Variants in SCART1 observed in about 807,000 individuals in gnomAD.
The protein encoded by SCART1 is scavenger receptor cysteine-rich domain-containing protein SCART1.
SCART1 carries 62 observed loss-of-function variants against 36.2 expected under a neutral mutation model. The observed-to-expected ratio is 1.71, with a 90% CI of 1.40 to 2.12. SCART1 has a LOEUF of 2.12. Ranked by LOEUF, SCART1 falls within the 30% of genes most tolerant of loss-of-function variation. The pLI is 0.00. For missense variants in SCART1, 1,041 were observed against 540.5 expected, an observed-to-expected ratio of 1.93 and a Z score of -9.18; for synonymous variants, 487 against 238.7, an observed-to-expected ratio of 2.04 and a Z score of -9.59.
exon 5 of SCART1, chr10:133,459,315 C>A (rs867905464): frequency 1.6e-6 from 1 of 642,570 alleles, no homozygotes; most frequent in Admixed American, 2.3e-5. Context: ...ACAGCCTCCG[C>A]GGTCTGCTCA....
intron 10 of SCART1, 97 bp from the exon 11 acceptor site, chr10:133,467,101 G>A (rs1374012928): frequency 1.2e-5 from 7 of 566,782 alleles, no homozygotes; most frequent in Middle Eastern, 3.6e-4. Context: ...CCTCTTTGCT[G>A]CCTGGCTGGG....
chr10:133,456,214 T>A (rs1850608657), intron 1 of SCART1, 23 bp from the exon 2 acceptor site: 1 of 695,268 alleles, frequency 1.4e-6, no homozygotes, highest in African/African-American at 1.7e-5. Context: ...CTGGCCCCTC[T>A]AACTGGACCT....
intron 1 of SCART1, among the ~76,000 whole-genome samples, chr10:133,455,223 T>C (rs1240977655): frequency 6.6e-6 from 1 of 152,152 alleles, no homozygotes; most frequent in African/African-American, 2.4e-5. Context: ...GCTGAGATCG[T>C]GCCATTGCAC....
At chr10:133,454,127 GC>G (rs1205053050) in intron 1 of SCART1, 63 bp downstream of exon 1, 2 of 701,650 alleles carry the variant, frequency 2.9e-6, no homozygotes, top group Non-Finnish European at 5.2e-6. Context: ...TGATGCCCAG[GC>G]CCCGGGGCAT....
exon 3 of SCART1, chr10:133,457,375 T>C (rs188098456): frequency 1.4e-6 from 1 of 701,696 alleles, no homozygotes; most frequent in African/African-American, 1.7e-5. Context: ...CGCCTCTGTG[T>C]CCTGCATGTG....
intron 10 of SCART1, chr10:133,466,946 C>G: frequency 2.4e-6 from 1 of 411,266 alleles, no homozygotes; most frequent in East Asian, 4.3e-5. Flanking sequence ...GAGCTCAACC[C>G]TAGAAGGTTC....
At chr10:133,462,505 A>G (rs1024659106) in intron 6 of SCART1, among the ~76,000 whole-genome samples, 1 of 152,240 alleles carries the variant, frequency 6.6e-6, no homozygotes, top group East Asian at 1.9e-4. Flanking sequence ...TGTAATCCCA[A>G]CACCCAGAGA....
intron 6 of SCART1, among the ~76,000 whole-genome samples, chr10:133,462,955 ATTCT>A (rs1351605540): frequency 6.6e-6 from 1 of 152,124 alleles, no homozygotes; most frequent in Non-Finnish European, 1.5e-5. Context: ...TCTTTCCAGT[ATTCT>A]TTCTAAGCTT....
chr10:133,467,795 G>A, intron 11 of SCART1, 52 bp from the exon 12 acceptor site: 1 of 616,790 alleles, frequency 1.6e-6, no homozygotes, highest in Non-Finnish European at 3.0e-6. Context: ...AATGTGCTCT[G>A]GGGACAACTT....
exon 9 of SCART1, chr10:133,465,284 A>C (rs563589427): frequency 1.8e-5 from 12 of 679,148 alleles, no homozygotes; most frequent in African/African-American, 1.1e-4. Flanking sequence ...GGGGGCGAGG[A>C]CCGCTGCTCC....
intron 6 of SCART1, among the ~76,000 whole-genome samples, chr10:133,460,983 G>A (rs1179648615): frequency 6.6e-6 from 1 of 152,046 alleles, no homozygotes; most frequent in East Asian, 1.9e-4. Flanking sequence ...CGATCCACCT[G>A]CCTCAGCCTC....
chr10:133,455,175 G>A (rs7095840), intron 1 of SCART1, among the ~76,000 whole-genome samples: 2 of 152,148 alleles, frequency 1.3e-5, no homozygotes, highest in African/African-American at 2.4e-5. Context: ...GCTGAGGCAC[G>A]AGAATCAGTT....
At chr10:133,456,393 T>G (rs1337932176) in exon 2 of SCART1, 2 of 702,880 alleles carry the variant, frequency 2.8e-6, no homozygotes, top group Non-Finnish European at 2.6e-6. Context: ...GGCCCTGCCG[T>G]GGGCGCCCCC....
At chr10:133,459,493 C>T in exon 6 of SCART1, 1 of 650,604 alleles carries the variant, frequency 1.5e-6, no homozygotes. Context: ...CCAGGTCTGG[C>T]CCACGCCCTG....
At chr10:133,460,533 T>TTATTTAAA (rs1427234216) in intron 6 of SCART1, among the ~76,000 whole-genome samples, 2 of 145,434 alleles carry the variant, frequency 1.4e-5, no homozygotes, top group East Asian at 3.9e-4. Context: ...AAATATTTAT[T>TTATTTAAA]TATTTATTTA....
chr10:133,455,541 A>G (rs1427336967), intron 1 of SCART1, among the ~76,000 whole-genome samples: 1 of 152,120 alleles, frequency 6.6e-6, no homozygotes, highest in East Asian at 1.9e-4. Context: ...AGCACCACCC[A>G]CATGGACTTC....
chr10:133,469,405 A>G (rs1380924015), downstream of SCART1, among the ~76,000 whole-genome samples: 1 of 152,250 alleles, frequency 6.6e-6, no homozygotes, highest in Non-Finnish European at 1.5e-5. Flanking sequence ...ATGGAATATT[A>G]TGCAGCCAGA....
exon 6 of SCART1, chr10:133,460,156 G>A: frequency 2.0e-6 from 1 of 506,948 alleles, no homozygotes; most frequent in Non-Finnish European, 3.4e-6. Context: ...GAGGACGCCG[G>A]CGTCTTCTGC....
At chr10:133,454,118 G>A (rs1442367500) in intron 1 of SCART1, 54 bp downstream of exon 1, 8 of 702,680 alleles carry the variant, frequency 1.1e-5, no homozygotes, top group Non-Finnish European at 1.8e-5. Flanking sequence ...CAGCTCTGTT[G>A]ATGCCCAGGC....
Sources: allele counts gnomAD v4.1 joint callset (sites outside exome capture counted in the v4.1 genomes callset), GRCh38; gene constraint gnomAD v4.1.1; transcripts MANE v1.5; gene names NCBI Gene and HGNC (gene_info 2026-07-23, HGNC 2026-07-21).